Variants in SHANK2 observed in about 807,000 individuals in gnomAD.
SHANK2 encodes the protein SH3 and multiple ankyrin repeat domains protein 2.
Under a neutral mutation model 133.7 loss-of-function variants are expected in SHANK2, and 43 were observed. The observed-to-expected ratio is 0.32, with a 90% CI of 0.25 to 0.41. SHANK2 has a LOEUF of 0.41. Ranked by LOEUF, SHANK2 falls within the 10% of genes least tolerant of loss-of-function variation. The pLI, the probability that SHANK2 is intolerant of heterozygous loss-of-function variation, is 1.00. For missense variants in SHANK2, 1,994 were observed against 2,235.8 expected (o/e 0.89, Z 2.18); for synonymous variants, 1,017 against 952.8 (o/e 1.07, Z -1.24).
chr11:70,505,921 G>A (rs555182582), intron 17 of SHANK2, among the ~76,000 whole-genome samples: 43 of 152,346 alleles, frequency 2.8e-4, no homozygotes, highest in African/African-American at 9.1e-4. Context: ...ATTTGTGGTG[G>A]CTGGATGCTG....
At chr11:70,795,789 A>C (rs1947897184) in intron 14 of SHANK2, among the ~76,000 whole-genome samples, 1 of 152,192 alleles carries the variant, frequency 6.6e-6, no homozygotes, top group Non-Finnish European at 1.5e-5. Flanking sequence ...GACCCTACCA[A>C]CAGGTGCTGG....
At chr11:71,075,442 C>T (rs1951206471) in intron 8 of SHANK2, among the ~76,000 whole-genome samples, 167 bp from the exon 9 acceptor site, 1 of 152,218 alleles carries the variant, frequency 6.6e-6, no homozygotes, top group African/African-American at 2.4e-5. Context: ...GCTCTAAAGA[C>T]ATCAGCATGC....
chr11:70,881,044 T>C (rs1555072330), intron 11 of SHANK2, among the ~76,000 whole-genome samples: 7 of 152,220 alleles, frequency 4.6e-5, no homozygotes, highest in Admixed American at 3.9e-4. Flanking sequence ...AGAGTCTTTC[T>C]TTTTGTTAAT....
At chr11:70,873,579 G>A (rs143312441) in intron 11 of SHANK2, among the ~76,000 whole-genome samples, 67 of 152,328 alleles carry the variant, frequency 4.4e-4, no homozygotes, top group African/African-American at 1.5e-3. Context: ...CAGGAGAGAC[G>A]TTCCACAGTC....
intron 17 of SHANK2, among the ~76,000 whole-genome samples, chr11:70,587,186 G>A (rs536757855): frequency 6.6e-6 from 1 of 152,296 alleles, no homozygotes; most frequent in African/African-American, 2.4e-5. Context: ...GGCGAGCTGG[G>A]CCGGGCTTTA....
chr11:70,786,631 T>A (rs1368717784), intron 14 of SHANK2, among the ~76,000 whole-genome samples: 1 of 152,098 alleles, frequency 6.6e-6, no homozygotes, highest in Non-Finnish European at 1.5e-5. Flanking sequence ...GGGCACCAAG[T>A]GTGGTGTTGA....
At chr11:70,585,829 CCCA>C (rs2060242344) in intron 17 of SHANK2, among the ~76,000 whole-genome samples, 1 of 62,464 alleles carries the variant, frequency 1.6e-5, no homozygotes, top group Non-Finnish European at 3.3e-5. Context: ...CATTTGCTCA[CCCA>C]CCCACCCACC....
At chr11:70,706,320 G>C (rs1412127735) in intron 14 of SHANK2, among the ~76,000 whole-genome samples, 1 of 152,230 alleles carries the variant, frequency 6.6e-6, no homozygotes, top group African/African-American at 2.4e-5. Context: ...TAACTCTGGA[G>C]AAAGTGAGCG....
chr11:70,893,555 A>G (rs1292132730), intron 11 of SHANK2, among the ~76,000 whole-genome samples: 1 of 152,166 alleles, frequency 6.6e-6, no homozygotes, highest in Admixed American at 6.5e-5. Flanking sequence ...TCTGCGGGAA[A>G]CTTTCAACAC....
At chr11:70,784,311 G>GA (rs1947589092) in intron 14 of SHANK2, among the ~76,000 whole-genome samples, 1 of 147,596 alleles carries the variant, frequency 6.8e-6, no homozygotes, top group Admixed American at 6.8e-5. Context: ...CAAGTAGCTG[G>GA]GACTACAGGG....
chr11:71,250,091 A>T (rs1948153307), intron 1 of SHANK2, among the ~76,000 whole-genome samples: 1 of 151,032 alleles, frequency 6.6e-6, no homozygotes, highest in Non-Finnish European at 1.5e-5. Flanking sequence ...AGTACACAGA[A>T]AGATCCCCCC....
chr11:71,199,294 C>A (rs1446616177), intron 2 of SHANK2, among the ~76,000 whole-genome samples: 1 of 152,244 alleles, frequency 6.6e-6, no homozygotes, highest in Non-Finnish European at 1.5e-5. Flanking sequence ...AAGTCAGCCT[C>A]TGCAGATGTG....
intron 17 of SHANK2, among the ~76,000 whole-genome samples, chr11:70,610,545 T>C (rs1554993870): frequency 6.6e-6 from 1 of 152,222 alleles, no homozygotes; most frequent in Non-Finnish European, 1.5e-5. Context: ...CTGGCCTTTG[T>C]TCTTCTCTCC....
In SHANK2 at chr11:71,167,524, G is replaced by A. The variant is rs1253946437; in HGVS notation, c.-12-20186C>T. On this transcript the variant is annotated intron_variant, in intron 2 of 25. Coordinates refer to ENST00000601538, the MANE Select transcript of SHANK2 (RefSeq NM_012309.5). Reference sequence around the variant, plus strand: ...GCGCCCCTCACCTCCCAGACAGGGCGGCTGGCCGGGCGGGGGGCTGACCCC... The same window carrying A: ...GCGCCCCTCACCTCCCAGACAGGGCAGCTGGCCGGGCGGGGGGCTGACCCC... Among the ~76,000 whole-genome samples, 42 of 126,426 alleles carry A rather than the reference G, an allele frequency of 3.3e-4. No homozygotes were observed. The South Asian group carries it at 3.6e-3, about 11-fold the overall frequency. 82.9% of individuals were successfully genotyped at this position (126,426 alleles called of 152,430 possible).
intron 2 of SHANK2, among the ~76,000 whole-genome samples, chr11:71,211,319 G>A (rs987033877): frequency 6.7e-6 from 1 of 150,022 alleles, no homozygotes; most frequent in Admixed American, 6.7e-5. Context: ...AGGTCAGATC[G>A]CTTGAGCTCA....
intron 9 of SHANK2, among the ~76,000 whole-genome samples, chr11:71,068,840 T>C (rs1428437321): frequency 6.6e-6 from 1 of 151,932 alleles, no homozygotes; most frequent in East Asian, 1.9e-4. Flanking sequence ...ATCAGCACCA[T>C]CGCTGTCACC....
chr11:70,715,321 T>C (rs1555027008), intron 14 of SHANK2, among the ~76,000 whole-genome samples: 1 of 152,254 alleles, frequency 6.6e-6, no homozygotes, highest in South Asian at 2.1e-4. Context: ...CCTGCTGCCC[T>C]CCCGCCACTG....
chr11:70,705,589 C>A (rs1319451696), intron 14 of SHANK2: 2 of 152,090 alleles, frequency 1.3e-5, no homozygotes, highest in African/African-American at 4.8e-5. Flanking sequence ...CAGAGGAGAC[C>A]CCTCTGCCTG....
chr11:71,177,466 G>A (rs1953469280), intron 2 of SHANK2, among the ~76,000 whole-genome samples: 1 of 152,106 alleles, frequency 6.6e-6, no homozygotes, highest in African/African-American at 2.4e-5. Context: ...GATGATAAAA[G>A]TGTAGTAAGA....
Sources: allele counts gnomAD v4.1 joint callset (sites outside exome capture counted in the v4.1 genomes callset), GRCh38; gene constraint gnomAD v4.1.1; transcripts MANE v1.5; gene names NCBI Gene and HGNC (gene_info 2026-07-23, HGNC 2026-07-21).